Variants in CLSTN2 observed in about 807,000 individuals in gnomAD.
CLSTN2 encodes calsyntenin 2, also known as calsyntenin-2.
Under a neutral mutation model 101.2 loss-of-function variants are expected in CLSTN2, and 48 were observed. That is an observed-to-expected ratio of 0.47 (90% CI 0.38 to 0.60). The LOEUF is 0.60. CLSTN2 is among the 20% of genes least tolerant of loss of function. CLSTN2 has a pLI of 0.00. For synonymous variants in CLSTN2, 481 were observed against 463.6 expected (o/e 1.04, Z -0.48); for missense variants, 1,160 against 1,238.2 (o/e 0.94, Z 0.95).
At chr3:140,360,256 T>C (rs2087713884) in intron 2 of CLSTN2, among the ~76,000 whole-genome samples, 1 of 152,172 alleles carries the variant, frequency 6.6e-6, no homozygotes, top group Non-Finnish European at 1.5e-5. Context: ...TAGCTGTAGA[T>C]GTGATTGAGG....
intron 9 of CLSTN2, among the ~76,000 whole-genome samples, chr3:140,544,132 C>T (rs10513121): frequency 0.17 from 26,571 of 152,192 alleles, 2,397 homozygotes; most frequent in African/African-American, 0.23. Flanking sequence ...ACAAAACGTC[C>T]GCTATGTGCC....
At chr3:140,257,751 G>T (rs1264278605) in intron 2 of CLSTN2, among the ~76,000 whole-genome samples, 1 of 152,072 alleles carries the variant, frequency 6.6e-6, no homozygotes, top group Non-Finnish European at 1.5e-5. Flanking sequence ...TAACAATTCT[G>T]CTGGGCATGT....
intron 1 of CLSTN2, among the ~76,000 whole-genome samples, chr3:140,159,888 A>T (rs1560113009): frequency 6.6e-6 from 1 of 152,214 alleles, no homozygotes; most frequent in Non-Finnish European, 1.5e-5. Flanking sequence ...GGAGGCCATT[A>T]TCCTAAACAA....
At chr3:140,502,760 A>G (rs73867190) in intron 8 of CLSTN2, among the ~76,000 whole-genome samples, 9,047 of 152,250 alleles carry the variant, frequency 0.059, 500 homozygotes, top group African/African-American at 0.14. Flanking sequence ...CACAAAGTCT[A>G]GTATAAAAGG....
chr3:140,250,415 G>A (rs539493437), intron 2 of CLSTN2, among the ~76,000 whole-genome samples: 1 of 152,314 alleles, frequency 6.6e-6, no homozygotes, highest in African/African-American at 2.4e-5. Flanking sequence ...CATGGCCGGT[G>A]GCTACAGCTG....
At chr3:140,466,776 G>C in intron 8 of CLSTN2, 45 bp downstream of exon 8, 1 of 1,611,440 alleles carries the variant, frequency 6.2e-7, no homozygotes, top group South Asian at 1.1e-5. Flanking sequence ...GCCTCTGCGG[G>C]GGTGGCCAGT....
chr3:139,942,846 T>C (rs1935155614), intron 1 of CLSTN2, among the ~76,000 whole-genome samples: 1 of 152,170 alleles, frequency 6.6e-6, no homozygotes. Flanking sequence ...CCCATTTCTT[T>C]CACTACTGAG....
At chr3:140,542,874 C>T (rs1302866374) in intron 9 of CLSTN2, among the ~76,000 whole-genome samples, 1 of 152,172 alleles carries the variant, frequency 6.6e-6, no homozygotes, top group Non-Finnish European at 1.5e-5. Flanking sequence ...CTGTCAGTCT[C>T]ATTCTAGGCC....
intron 4 of CLSTN2, among the ~76,000 whole-genome samples, chr3:140,410,411 C>CAAAAAAAAAAAAAAA (rs11450317): frequency 8.4e-6 from 1 of 118,758 alleles, no homozygotes; most frequent in Non-Finnish European, 1.7e-5. Context: ...AAATAAAAAG[C>CAAAAAAAAAAAAAAA]AAAAAAAAAA....
At chr3:139,953,126 A>T (rs1191180968) in intron 1 of CLSTN2, among the ~76,000 whole-genome samples, 1 of 152,066 alleles carries the variant, frequency 6.6e-6, no homozygotes, top group African/African-American at 2.4e-5. Flanking sequence ...TTTGGGTTCA[A>T]CCTCATAGCT....
chr3:140,226,807 G>C (rs1011857488), intron 2 of CLSTN2, among the ~76,000 whole-genome samples: 4 of 152,128 alleles, frequency 2.6e-5, no homozygotes, highest in East Asian at 1.9e-4. Context: ...GGAGCAAGTC[G>C]TGTCTTATAT....
intron 2 of CLSTN2, among the ~76,000 whole-genome samples, chr3:140,266,534 T>C (rs774076251): frequency 1.3e-5 from 2 of 152,202 alleles, no homozygotes; most frequent in African/African-American, 2.4e-5. Context: ...TATTCAAAGA[T>C]GCATCACTGG....
At chr3:140,150,170 G>A (rs1042040404) in intron 1 of CLSTN2, among the ~76,000 whole-genome samples, 2 of 152,162 alleles carry the variant, frequency 1.3e-5, no homozygotes, top group Non-Finnish European at 2.9e-5. Flanking sequence ...GTAAGCATAG[G>A]CACTTGTGGT....
In CLSTN2 at chr3:139,935,304, C is replaced by A; in HGVS notation, c.-71C>A. 1.2e-6 allele frequency: 1 copy of A among 817,436 alleles called. No homozygotes were observed. The highest frequency in any genetic ancestry group is 1.6e-6 in the Non-Finnish European group (1 of 613,960). 50.6% of individuals were successfully genotyped at this position (817,436 alleles called of 1,614,324 possible). ...CACGGCGAGGCGGCCCACGGTGCGG[C>A]AGGCACCGGGAGGCGAGAGCCGGCG... On this transcript the variant is annotated 5_prime_UTR_variant, in exon 1 of 17. Coordinates refer to ENST00000458420, the MANE Select transcript of CLSTN2 (RefSeq NM_022131.3). This position sits in a 1 kb window ranked among gnomAD's most constrained non-coding sequence, Gnocchi z 5.5.
At chr3:140,489,384 G>A (rs536531524) in intron 8 of CLSTN2, among the ~76,000 whole-genome samples, 4 of 152,350 alleles carry the variant, frequency 2.6e-5, no homozygotes, top group Admixed American at 2.0e-4. Context: ...AACAGCATGT[G>A]TTGAGGGCTG....
chr3:140,510,620 C>T (rs1428693281), intron 8 of CLSTN2, among the ~76,000 whole-genome samples: 1 of 152,204 alleles, frequency 6.6e-6, no homozygotes, highest in Non-Finnish European at 1.5e-5. Flanking sequence ...ATTTCCTGCT[C>T]CCCTGCACTC....
At chr3:140,529,562 C>T (rs1431168279) in intron 8 of CLSTN2, among the ~76,000 whole-genome samples, 2 of 152,212 alleles carry the variant, frequency 1.3e-5, no homozygotes, top group East Asian at 1.9e-4. Context: ...TTTTCAATTA[C>T]AGTTTGTCCC....
chr3:140,115,922 C>T (rs923964528), intron 1 of CLSTN2, among the ~76,000 whole-genome samples: 3 of 152,156 alleles, frequency 2.0e-5, no homozygotes, highest in Non-Finnish European at 4.4e-5. Flanking sequence ...GCTAAGAAAT[C>T]GGATCGGTTG....
intron 1 of CLSTN2, among the ~76,000 whole-genome samples, chr3:139,975,731 G>T (rs753610575): frequency 6.6e-6 from 1 of 152,120 alleles, no homozygotes; most frequent in Admixed American, 6.5e-5. Flanking sequence ...TGGGACGCAG[G>T]GGGTGCTTGT....
Sources: allele counts gnomAD v4.1 joint callset (sites outside exome capture counted in the v4.1 genomes callset), GRCh38; gene constraint gnomAD v4.1.1; non-coding constraint Gnocchi (gnomAD v3.1); transcripts MANE v1.5; gene names NCBI Gene and HGNC (gene_info 2026-07-23, HGNC 2026-07-21).